The following NTN1 variants were observed in gnomAD, a reference collection of about 807,000 sequenced individuals.
The protein encoded by NTN1 is netrin-1.
In NTN1, 11 loss-of-function variants were observed where a neutral mutation model predicts 54.2. The observed-to-expected ratio is 0.20, with a 90% CI of 0.13 to 0.34. The LOEUF (loss-of-function observed/expected upper bound fraction) is 0.34, where lower values mean the gene tolerates loss of function less well. Ranked by LOEUF, NTN1 falls within the 10% of genes least tolerant of loss-of-function variation. NTN1 has a pLI of 1.00. For synonymous variants in NTN1, 371 were observed against 382.0 expected, an observed-to-expected ratio of 0.97 and a Z score of 0.33; for missense variants, 740 against 893.1, an observed-to-expected ratio of 0.83 and a Z score of 2.18.
chr17:9,090,697 A>G (rs1242484860), intron 2 of NTN1, among the ~76,000 whole-genome samples: 1 of 151,920 alleles, frequency 6.6e-6, no homozygotes, highest in African/African-American at 2.4e-5. Flanking sequence ...GGGTACAGAA[A>G]CCAGGCCAAG....
chr17:9,074,770 G>C (rs1460397181), intron 2 of NTN1, among the ~76,000 whole-genome samples: 1 of 152,218 alleles, frequency 6.6e-6, no homozygotes, highest in African/African-American at 2.4e-5. Context: ...CAAGGGTTGA[G>C]GCTGGATGCA....
rs1181538368 is a variant in NTN1, at chr17:9,227,245, C to T, written c.1486+6003C>T. ...CCATCACATCACATACACCATCACA[C>T]ACACACACTTTATCACACAGGCACA... On this transcript the variant is annotated intron_variant, in intron 6 of 6. Coordinates refer to ENST00000173229, the MANE Select transcript of NTN1 (RefSeq NM_004822.3). 3.3e-3 allele frequency among the ~76,000 whole-genome samples: 500 copies of T among 151,670 alleles called. 2 individuals carry two copies. Among genetic ancestry groups the T allele is most frequent in the African/African-American group, 0.012 (479 of 41,286 alleles).
At chr17:9,142,035 G>A (rs750804777) in intron 2 of NTN1, among the ~76,000 whole-genome samples, 6 of 152,200 alleles carry the variant, frequency 3.9e-5, no homozygotes. Flanking sequence ...GCTGAGGCAG[G>A]AGAATCGCAT....
In NTN1 at chr17:9,142,978, A is replaced by G. The variant is rs116588762; in HGVS notation, c.1019-19835A>G. On this transcript the variant is annotated intron_variant, in intron 2 of 6. Coordinates refer to ENST00000173229, the MANE Select transcript of NTN1 (RefSeq NM_004822.3). ...AGGTAATGTGCAGTGAAGAAAAGGG[A>G]AGCAGAGGAGGGTGTGGGTTTGGTA... 4.1e-3 allele frequency among the ~76,000 whole-genome samples: 632 copies of G among 152,290 alleles called. 6 individuals are homozygous for G. The highest frequency in any genetic ancestry group is 0.014 in the African/African-American group (580 of 41,554).
intron 3 of NTN1, among the ~76,000 whole-genome samples, chr17:9,167,775 C>CA (rs72533805): frequency 7.9e-5 from 12 of 152,042 alleles, no homozygotes; most frequent in Non-Finnish European, 1.3e-4. Context: ...AGTCTTGCCC[C>CA]CTCTGTTTCC....
chr17:9,114,589 C>T (rs2092204475), intron 2 of NTN1, among the ~76,000 whole-genome samples: 4 of 151,996 alleles, frequency 2.6e-5, no homozygotes, highest in Admixed American at 2.6e-4. Flanking sequence ...CCTGTCTCTA[C>T]TAAAAATACA....
chr17:9,027,007 T>C (rs1454533339), intron 2 of NTN1, among the ~76,000 whole-genome samples: 2 of 152,156 alleles, frequency 1.3e-5, no homozygotes, highest in Admixed American at 1.3e-4. Context: ...ATTGTTTAAA[T>C]GTGGCTGTGG....
chr17:9,150,056 G>C (rs773118627), intron 2 of NTN1, among the ~76,000 whole-genome samples: 1 of 152,138 alleles, frequency 6.6e-6, no homozygotes, highest in Non-Finnish European at 1.5e-5. Context: ...ACAAAAATTA[G>C]CTCAGCATGG....
intron 6 of NTN1, among the ~76,000 whole-genome samples, chr17:9,228,222 G>C (rs1256526226): frequency 6.6e-6 from 1 of 152,226 alleles, no homozygotes; most frequent in Non-Finnish European, 1.5e-5. Flanking sequence ...GGGTGGGAAG[G>C]CTTCCTGGAG....
rs779106636 is a variant in NTN1, at chr17:9,099,032, G to A, written c.1019-63781G>A. On this transcript the variant is annotated intron_variant, in intron 2 of 6. Coordinates refer to ENST00000173229, the MANE Select transcript of NTN1 (RefSeq NM_004822.3). ...GAAATGGAAGTATGCTTTGCATATT[G>A]TTTTGTAACCTGGGCTTTTCATTTG... Among the ~76,000 whole-genome samples, 35 of 152,156 alleles carry A rather than the reference G, an allele frequency of 2.3e-4. 1 individual carries two copies. The highest frequency in any genetic ancestry group is 3.4e-3 in the Middle Eastern group (1 of 294).
intron 3 of NTN1, among the ~76,000 whole-genome samples, chr17:9,164,044 A>G (rs1394208891): frequency 6.6e-6 from 1 of 152,252 alleles, no homozygotes; most frequent in African/African-American, 2.4e-5. Flanking sequence ...TTCTGTGGCC[A>G]CTGCTCAGCG....
intron 2 of NTN1, among the ~76,000 whole-genome samples, chr17:9,083,017 C>T (rs188414902): frequency 1.3e-5 from 2 of 152,142 alleles, no homozygotes; most frequent in East Asian, 3.9e-4. Flanking sequence ...TTGTAGGGGA[C>T]ACTGACCATC....
chr17:9,066,483 C>A (rs2092015324), intron 2 of NTN1, among the ~76,000 whole-genome samples: 1 of 151,502 alleles, frequency 6.6e-6, no homozygotes, highest in Non-Finnish European at 1.5e-5. Flanking sequence ...AAAAAATTAG[C>A]CAGGTGTGGT....
At chr17:9,137,758 C>T (rs141883385) in intron 2 of NTN1, among the ~76,000 whole-genome samples, 166 of 151,938 alleles carry the variant, frequency 1.1e-3, no homozygotes, top group Middle Eastern at 3.4e-3. Context: ...CGCGCCACTG[C>T]ACTCCAGTCT....
At chr17:9,033,053 A>T (rs1439011424) in intron 2 of NTN1, among the ~76,000 whole-genome samples, 2 of 150,234 alleles carry the variant, frequency 1.3e-5, no homozygotes, top group Admixed American at 6.7e-5. Flanking sequence ...TCCTGGGTTC[A>T]AGTGATTCTT....
chr17:9,182,904 A>T lies in NTN1; in HGVS notation c.1358-12A>T. The T allele has an allele frequency of 4.3e-6, 7 of 1,614,076 alleles. No individual in the cohort carries two copies. Among genetic ancestry groups the T allele is most frequent in the Non-Finnish European group, 5.9e-6 (7 of 1,179,960 alleles). On this transcript the variant is annotated splice_polypyrimidine_tract_variant and intron_variant, in intron 4 of 6. Coordinates refer to ENST00000173229, the MANE Select transcript of NTN1 (RefSeq NM_004822.3). The stretch of plus-strand genomic sequence containing the variant: ...CTCTCCTCCCCTCGCCCCCGTCTTG[A>T]ACCTCACAAAGAGATCCCTGTAGCG...
chr17:9,062,648 G>A (rs968427688), intron 2 of NTN1, among the ~76,000 whole-genome samples: 1 of 152,172 alleles, frequency 6.6e-6, no homozygotes, highest in South Asian at 2.1e-4. Flanking sequence ...GTTATTCAGG[G>A]CAATCAGGCA....
intron 2 of NTN1, among the ~76,000 whole-genome samples, chr17:9,138,818 CTTGG>C (rs2092289051): frequency 6.6e-6 from 1 of 152,022 alleles, no homozygotes; most frequent in Admixed American, 6.6e-5. Flanking sequence ...TGAAGAGAGT[CTTGG>C]TTGGTCAGGA....
chr17:9,003,577 G>A, the NTN1 span, among the ~76,000 whole-genome samples: 1 of 148,288 alleles, frequency 6.7e-6, no homozygotes, highest in South Asian at 2.1e-4. The surrounding 1 kb of genome is among the most constrained non-coding windows in gnomAD (Gnocchi z 7.4). Context: ...CTCGGCGGCC[G>A]GCCAAGCCAG....
Sources: gnomAD v4.1 joint callset for allele counts (sites outside exome capture counted in the v4.1 genomes callset) on GRCh38, gnomAD v4.1.1 for gene constraint, Gnocchi (gnomAD v3.1) non-coding constraint, MANE v1.5 for transcripts, NCBI Gene and HGNC (gene_info 2026-07-23, HGNC 2026-07-21) for gene names.